LRP1B: variants seen among roughly 807,000 people sequenced by gnomAD.
LRP1B encodes the protein LDL receptor related protein 1B, also known as low-density lipoprotein receptor-related protein 1B.
LRP1B carries 217 observed loss-of-function variants against 556.6 expected under a neutral mutation model. The ratio of observed to expected loss-of-function variants is 0.39; its 90% CI spans 0.35 to 0.44. The LOEUF (loss-of-function observed/expected upper bound fraction) is 0.44. Among genes scored for constraint, LRP1B ranks in the 20% least tolerant of loss-of-function variants. The pLI is 1.00. For missense variants in LRP1B, 5,053 were observed against 5,620.8 expected, an observed-to-expected ratio of 0.90 and a Z score of 3.23; for synonymous variants, 2,047 against 1,865.8, an observed-to-expected ratio of 1.10 and a Z score of -2.50.
chr2:142,097,224 C>A (rs1706407252), intron 1 of LRP1B, among the ~76,000 whole-genome samples: 2 of 151,786 alleles, frequency 1.3e-5, no homozygotes, highest in South Asian at 4.1e-4. Context: ...AACCTTCACA[C>A]ATATATGGTG....
intron 1 of LRP1B, among the ~76,000 whole-genome samples, chr2:142,005,886 G>GA (rs1418361673): frequency 0.035 from 3,498 of 100,378 alleles, 218 homozygotes; most frequent in East Asian, 0.19. Context: ...ATCCTCTCAT[G>GA]AAAAAAAAAA....
intron 2 of LRP1B, among the ~76,000 whole-genome samples, chr2:141,681,653 T>A (rs1056719562): frequency 1.1e-4 from 16 of 152,152 alleles, no homozygotes; most frequent in African/African-American, 3.9e-4. Flanking sequence ...AGAACAAAGT[T>A]AATTTTATTC....
intron 11 of LRP1B, among the ~76,000 whole-genome samples, chr2:141,037,505 T>A (rs370334635): frequency 6.6e-6 from 1 of 152,010 alleles, no homozygotes; most frequent in South Asian, 2.1e-4. Flanking sequence ...CGTCTCAGAA[T>A]GTCTCACTTC....
In LRP1B at chr2:141,489,595, G is replaced by A. The variant is rs183661677; in HGVS notation, c.206-9062C>T. Among the ~76,000 whole-genome samples the A allele has an allele frequency of 5.3e-4, 80 of 151,712 alleles. No homozygotes were observed. In the East Asian group the frequency reaches 0.01, roughly 19 times the overall value. Reference sequence around the variant, plus strand: ...CATACTTATTATTAAACATAATATCGAATCACATAATATCTTTACAGAAGC... The same window carrying A: ...CATACTTATTATTAAACATAATATCAAATCACATAATATCTTTACAGAAGC... On this transcript the variant is annotated intron_variant, in intron 2 of 90. Coordinates refer to ENST00000389484, the MANE Select transcript of LRP1B (RefSeq NM_018557.3).
chr2:141,305,077 T>C (rs1416342700), intron 3 of LRP1B, among the ~76,000 whole-genome samples: 2 of 152,210 alleles, frequency 1.3e-5, no homozygotes, highest in Non-Finnish European at 2.9e-5. Flanking sequence ...TTGTTATTGT[T>C]GTTCTATACA....
chr2:141,507,966 T>C (rs1301803537), intron 2 of LRP1B, among the ~76,000 whole-genome samples: 5 of 151,844 alleles, frequency 3.3e-5, no homozygotes, highest in Admixed American at 6.6e-5. Context: ...CATGCACCTA[T>C]AGTCCCAGAT....
chr2:141,872,195 C>G (rs142165996), intron 1 of LRP1B, among the ~76,000 whole-genome samples: 1 of 151,660 alleles, frequency 6.6e-6, no homozygotes, highest in African/African-American at 2.4e-5. Flanking sequence ...CTGACAGTCA[C>G]GAAGGTAAAG....
intron 3 of LRP1B, among the ~76,000 whole-genome samples, chr2:141,410,164 C>T (rs990066692): frequency 3.9e-5 from 6 of 152,074 alleles, no homozygotes; most frequent in African/African-American, 1.2e-4. Flanking sequence ...CACCCAAGAA[C>T]ATTCCTTAGC....
At chr2:141,968,492 G>A (rs915269089) in intron 1 of LRP1B, among the ~76,000 whole-genome samples, 27 of 151,350 alleles carry the variant, frequency 1.8e-4, no homozygotes, top group African/African-American at 6.1e-4. Context: ...AGGCCTCATG[G>A]CACATGTAAA....
intron 32 of LRP1B, among the ~76,000 whole-genome samples, chr2:140,787,963 A>AT (rs1030361010): frequency 6.6e-6 from 1 of 152,034 alleles, no homozygotes; most frequent in African/African-American, 2.4e-5. Flanking sequence ...CACATGGGTG[A>AT]TTTTCAAGGT....
At chr2:140,398,349 G>A (rs1684343246) in intron 66 of LRP1B, among the ~76,000 whole-genome samples, 1 of 152,034 alleles carries the variant, frequency 6.6e-6, no homozygotes, top group South Asian at 2.1e-4. Context: ...CACATATCCA[G>A]TATGAATGTA....
rs375106385 is a variant in LRP1B at position 140,490,940 on chromosome 2, T to G, written c.9120+1668A>C. Among the ~76,000 whole-genome samples the G allele has an allele frequency of 1.5e-3, 235 of 152,144 alleles. 1 individual carries two copies. The highest frequency in any genetic ancestry group is 5.2e-3 in the African/African-American group (217 of 41,526). On this transcript the variant is annotated intron_variant, in intron 57 of 90. Transcript: ENST00000389484. ...GAAAGTATCCGAAACTCATCCCCAC[T>G]TAGGTACTAATGACTGGCAACAGTC...
intron 85 of LRP1B, among the ~76,000 whole-genome samples, chr2:140,271,629 T>C (rs73964204): frequency 2.4e-4 from 36 of 152,142 alleles, no homozygotes; most frequent in African/African-American, 8.7e-4. Flanking sequence ...ATCACATTTC[T>C]TTTCAAGGTA....
At chr2:141,597,113 A>G (rs1477428794) in intron 2 of LRP1B, among the ~76,000 whole-genome samples, 1 of 151,650 alleles carries the variant, frequency 6.6e-6, no homozygotes, top group Non-Finnish European at 1.5e-5. Context: ...ATTGTGTGCC[A>G]TTACTGTAGA....
chr2:140,626,464 G>A (rs1683660981), intron 41 of LRP1B, among the ~76,000 whole-genome samples: 1 of 152,076 alleles, frequency 6.6e-6, no homozygotes, highest in Non-Finnish European at 1.5e-5. Context: ...TGTGGAAGAA[G>A]GGCATATGTG....
intron 58 of LRP1B, 98 bp downstream of exon 58, chr2:140,487,519 T>G: frequency 8.4e-7 from 1 of 1,194,776 alleles, no homozygotes; most frequent in Non-Finnish European, 1.2e-6. Context: ...CCTAATGCAT[T>G]TTATGAGTAA....
chr2:140,506,322 G>A (rs1574015863), intron 53 of LRP1B, among the ~76,000 whole-genome samples: 1 of 147,492 alleles, frequency 6.8e-6, no homozygotes, highest in African/African-American at 2.5e-5. Context: ...TCGGCTCACT[G>A]CGACCTCTAC....
At chr2:141,436,579 T>TCTTGGGGAAAGGGTATGCTAA (rs6146941) in intron 3 of LRP1B, among the ~76,000 whole-genome samples, 149,842 of 152,166 alleles carry the variant, frequency 0.98, 73,813 homozygotes, top group South Asian at 1. Context: ...ATTACTGTTT[T>TCTTGGGGAAAGGGTATGCTAA]CTCTCTTCTG....
intron 35 of LRP1B, among the ~76,000 whole-genome samples, chr2:140,726,468 G>T (rs1028012800): frequency 2.2e-4 from 34 of 152,252 alleles, no homozygotes; most frequent in Middle Eastern, 3.4e-3. Flanking sequence ...TACTTTGTTT[G>T]ATTCTCCTCC....
Sources: gnomAD v4.1 joint callset for allele counts (sites outside exome capture counted in the v4.1 genomes callset) on GRCh38, gnomAD v4.1.1 for gene constraint, MANE v1.5 for transcripts, NCBI Gene and HGNC (gene_info 2026-07-23, HGNC 2026-07-21) for gene names.